The following MYLK4 variants were observed in gnomAD, a reference collection of about 807,000 sequenced individuals.
MYLK4 encodes the protein myosin light chain kinase family member 4.
In MYLK4, 46 loss-of-function variants were observed where a neutral mutation model predicts 48.1. The observed-to-expected ratio is 0.96, with a 90% CI of 0.75 to 1.22. The LOEUF (loss-of-function observed/expected upper bound fraction) is 1.22. Ranked by LOEUF, MYLK4 falls within the 50% of genes most tolerant of loss-of-function variation. The probability of loss-of-function intolerance (pLI) is 0.00; values close to 1 mark genes in which losing one functional copy is unlikely to be tolerated. For synonymous variants in MYLK4, 170 were observed against 180.8 expected (o/e 0.94, Z 0.48); for missense variants, 451 against 486.1 (o/e 0.93, Z 0.68).
intron 2 of MYLK4, among the ~76,000 whole-genome samples, chr6:2,701,723 G>A (rs12202722): frequency 0.18 from 27,015 of 152,110 alleles, 2,487 homozygotes; most frequent in Admixed American, 0.21. Context: ...TGGTGAATCC[G>A]CAGCAGCAGC....
intron 2 of MYLK4, among the ~76,000 whole-genome samples, chr6:2,737,969 G>T (rs1763742807): frequency 9.8e-6 from 1 of 102,014 alleles, no homozygotes; most frequent in Admixed American, 1.1e-4. Context: ...GGGGTGGGGT[G>T]CCGGGGGCGG....
chr6:2,731,296 G>A (rs1308648869), intron 2 of MYLK4, among the ~76,000 whole-genome samples: 1 of 152,152 alleles, frequency 6.6e-6, no homozygotes, highest in Non-Finnish European at 1.5e-5. Flanking sequence ...AATGGGAACT[G>A]ACAAGAGGAT....
In MYLK4 at chr6:2,688,901, T is replaced by G; in HGVS notation, c.291A>C (p.Gln97His). ...CAGTATAGAAGCTGTTGACCGCTCC[T>G]TGCTTGGCTGTCACAATACGATGAT... ...PFDHRIVTAK[Q>H]GAVNSFYTVS... Residue 97 changes from glutamine to histidine, a missense_variant, in exon 4 of 13, where the codon CAA becomes CAC. Gln to His is a conservative substitution (Grantham distance 24). Transcript: ENST00000274643. 6.2e-7 allele frequency: 1 copy of G among 1,614,218 alleles called. No individual in the cohort carries two copies. The highest frequency in any genetic ancestry group is 1.3e-5 in the African/African-American group (1 of 75,066).
At chr6:2,729,682 A>G (rs1303693712) in intron 2 of MYLK4, among the ~76,000 whole-genome samples, 1 of 151,978 alleles carries the variant, frequency 6.6e-6, no homozygotes, top group Non-Finnish European at 1.5e-5. Flanking sequence ...TTTGAACCTC[A>G]CTGGGGAGGG....
chr6:2,713,932 C>T (rs537076186), intron 2 of MYLK4, among the ~76,000 whole-genome samples: 15 of 152,154 alleles, frequency 9.9e-5, no homozygotes, highest in Non-Finnish European at 1.8e-4. Flanking sequence ...AAAAATAATA[C>T]AAGCCCAAAC....
At chr6:2,766,340 T>C in the MYLK4 span, 2 of 1,610,860 alleles carry the variant, frequency 1.2e-6, no homozygotes, top group Non-Finnish European at 1.7e-6. Context: ...GCAGGATTAC[T>C]TCGGGCAGAG....
Position 2,690,891 on chromosome 6 carries a change from G to A in MYLK4, c.235+1893C>T, listed in dbSNP as rs184509544. Among the ~76,000 whole-genome samples the A allele has an allele frequency of 3.2e-3, 451 of 139,666 alleles. 1 individual carries two copies. The highest frequency in any genetic ancestry group is 8.7e-3 in the Admixed American group (116 of 13,408). The allele number at this position is 139,666 out of a possible 152,430, so 91.6% of individuals were successfully genotyped here. ...GTCGCCCAGGCTGGAGTGCAGTGGCGCGATCTCGGCTCACTGCAAGCTCCG... is the reference window on the plus strand; with the variant it reads ...GTCGCCCAGGCTGGAGTGCAGTGGCACGATCTCGGCTCACTGCAAGCTCCG... On this transcript the variant is annotated intron_variant, in intron 3 of 12. Transcript: ENST00000274643.
chr6:2,715,386 G>C (rs898076796), intron 2 of MYLK4, among the ~76,000 whole-genome samples: 2 of 152,232 alleles, frequency 1.3e-5, no homozygotes, highest in Admixed American at 6.5e-5. Flanking sequence ...GACACTTAAT[G>C]GTTAAAACGG....
At chr6:2,727,755 T>C (rs947414200) in intron 2 of MYLK4, among the ~76,000 whole-genome samples, 1 of 152,084 alleles carries the variant, frequency 6.6e-6, no homozygotes, top group East Asian at 1.9e-4. Context: ...GAGACCATCC[T>C]GGCCAATGTG....
the MYLK4 span, among the ~76,000 whole-genome samples, chr6:2,762,263 ACC>A: frequency 1.8e-4 from 27 of 152,194 alleles, no homozygotes; most frequent in South Asian, 4.1e-3. Flanking sequence ...ACTTTTGAAA[ACC>A]CTATTAACAA....
intron 3 of MYLK4, among the ~76,000 whole-genome samples, chr6:2,690,556 G>A (rs1182679815): frequency 6.6e-6 from 1 of 152,144 alleles, no homozygotes; most frequent in Non-Finnish European, 1.5e-5. Flanking sequence ...ACGAGGACGT[G>A]AGCTCCGTGA....
chr6:2,753,726 G>A (rs1764354092), upstream of MYLK4, among the ~76,000 whole-genome samples: 3 of 151,710 alleles, frequency 2.0e-5, no homozygotes, highest in Admixed American at 2.0e-4. Context: ...GATTAAAACA[G>A]ACCTCACCAA....
At chr6:2,690,036 T>C (rs957902126) in intron 3 of MYLK4, among the ~76,000 whole-genome samples, 1 of 152,172 alleles carries the variant, frequency 6.6e-6, no homozygotes, top group Non-Finnish European at 1.5e-5. Flanking sequence ...GGCATCGAAA[T>C]GGCATTATAT....
chr6:2,718,326 CAT>C (rs1762945331), intron 2 of MYLK4, among the ~76,000 whole-genome samples: 1 of 152,176 alleles, frequency 6.6e-6, no homozygotes, highest in South Asian at 2.1e-4. Flanking sequence ...CTGAGTGAGT[CAT>C]AGATTGCTAG....
the MYLK4 span, among the ~76,000 whole-genome samples, chr6:2,765,189 C>CT: frequency 9.6e-6 from 1 of 104,166 alleles, no homozygotes; most frequent in Non-Finnish European, 2.3e-5. Flanking sequence ...GCAACCCCCC[C>CT]CCCCGCCCCT....
chr6:2,692,997 C>G, intron 2 of MYLK4, 138 bp from the exon 3 acceptor site: 1 of 733,332 alleles, frequency 1.4e-6, no homozygotes, highest in East Asian at 3.0e-5. Context: ...CATCACTGGC[C>G]TCTATCCACC....
intron 2 of MYLK4, among the ~76,000 whole-genome samples, chr6:2,719,563 C>T (rs1433883314): frequency 6.6e-6 from 1 of 152,028 alleles, no homozygotes; most frequent in African/African-American, 2.4e-5. Context: ...TTTTATAGCC[C>T]TTGAAGTTTG....
chr6:2,754,990 T>C (rs185963795), upstream of MYLK4, among the ~76,000 whole-genome samples: 301 of 92,870 alleles, frequency 3.2e-3, no homozygotes, highest in African/African-American at 9.9e-3. Context: ...GGAGATAGGA[T>C]ACTTTGAGCA....
At chr6:2,766,147 C>T in the MYLK4 span, 3 of 1,327,054 alleles carry the variant, frequency 2.3e-6, no homozygotes, top group East Asian at 3.1e-5. Flanking sequence ...GCGATGGCGA[C>T]GGGGACGCGG....
Sources: gnomAD v4.1 joint callset for allele counts (sites outside exome capture counted in the v4.1 genomes callset) on GRCh38, gnomAD v4.1.1 for gene constraint, MANE v1.5 for transcripts, NCBI Gene and HGNC (gene_info 2026-07-23, HGNC 2026-07-21) for gene names.